Variants in PUDP observed in about 807,000 individuals in gnomAD.
The protein encoded by PUDP is pseudouridine-5'-phosphatase.
A neutral mutation model predicts 9.4 loss-of-function variants in PUDP; 8 were observed. That is an observed-to-expected ratio of 0.85 (90% CI 0.50 to 1.53). The LOEUF (loss-of-function observed/expected upper bound fraction) is 1.53, where lower values mean the gene tolerates loss of function less well. PUDP is among the 40% of genes most tolerant of loss of function. The pLI, the probability that PUDP is intolerant of heterozygous loss-of-function variation, is 0.00. For synonymous variants in PUDP, 99 were observed against 80.7 expected, an observed-to-expected ratio of 1.23 and a Z score of -1.22; for missense variants, 188 against 189.7, an observed-to-expected ratio of 0.99 and a Z score of 0.05.
At chrX:6,735,899 C>T (rs1349355047) in intron 3 of PUDP, among the ~76,000 whole-genome samples, 4 of 109,280 alleles carry the variant, frequency 3.7e-5, no homozygotes, top group Admixed American at 2.0e-4. Context: ...ATTAGTTGGG[C>T]AGGGTGGCAT....
chrX:7,089,577 GT>G (rs199868774), intron 2 of PUDP, among the ~76,000 whole-genome samples: 1 of 108,800 alleles, frequency 9.2e-6, no homozygotes, highest in Non-Finnish European at 1.9e-5. Flanking sequence ...CCTGCCTTTT[GT>G]TTTTTTTTGA....
At chrX:7,141,441 C>T (rs1263471748) in intron 1 of PUDP, among the ~76,000 whole-genome samples, 1 of 113,018 alleles carries the variant, frequency 8.8e-6, no homozygotes, top group African/African-American at 3.2e-5. Context: ...GGCTCTAACT[C>T]TCTTCACTTC....
At chrX:6,809,454 G>C (rs1002360210) in intron 3 of PUDP, among the ~76,000 whole-genome samples, 2 of 107,870 alleles carry the variant, frequency 1.9e-5, no homozygotes, top group African/African-American at 6.9e-5. Context: ...CATCACACCC[G>C]ACTAATTTAT....
intron 3 of PUDP, among the ~76,000 whole-genome samples, chrX:6,828,259 C>T (rs964572055): frequency 9.0e-6 from 1 of 111,627 alleles, no homozygotes; most frequent in Non-Finnish European, 1.9e-5. Flanking sequence ...GAGATCCATG[C>T]ACATTGCATA....
intron 2 of PUDP, among the ~76,000 whole-genome samples, chrX:7,078,629 T>G (rs888390096): frequency 8.9e-6 from 1 of 112,330 alleles, no homozygotes; most frequent in African/African-American, 3.2e-5. Context: ...TCATGCCTAT[T>G]TTAATAATGT....
At chrX:7,109,573 GAC>G (rs1216907697) in intron 1 of PUDP, among the ~76,000 whole-genome samples, 1 of 112,492 alleles carries the variant, frequency 8.9e-6, no homozygotes, top group Non-Finnish European at 1.9e-5. Flanking sequence ...TAATTTAAAA[GAC>G]ACAGAACTGT....
chrX:6,992,730 G>C (rs1335055000), intron 1 of PUDP, among the ~76,000 whole-genome samples: 1 of 111,303 alleles, frequency 9.0e-6, no homozygotes, highest in Non-Finnish European at 1.9e-5. Context: ...TGATTGAATT[G>C]AAGGATGCAA....
intron 1 of PUDP, among the ~76,000 whole-genome samples, chrX:6,990,610 T>C (rs1929163066): frequency 8.9e-6 from 1 of 112,344 alleles, no homozygotes; most frequent in South Asian, 3.7e-4. Context: ...TCCAGCAGAA[T>C]GAGAGAGAAG....
intron 3 of PUDP, among the ~76,000 whole-genome samples, chrX:7,052,305 G>T (rs1356271789): frequency 2.7e-5 from 3 of 111,329 alleles, no homozygotes; most frequent in Non-Finnish European, 5.7e-5. Flanking sequence ...CCAAAGTGCT[G>T]GGATTACAGG....
chrX:6,753,336 T>C (rs995783058), intron 3 of PUDP, among the ~76,000 whole-genome samples: 1 of 112,822 alleles, frequency 8.9e-6, no homozygotes, highest in Non-Finnish European at 1.9e-5. Context: ...TATTCCATCA[T>C]ATACATACAC....
At chrX:7,079,984 G>A (rs1376933045) in intron 2 of PUDP, among the ~76,000 whole-genome samples, 1 of 111,812 alleles carries the variant, frequency 8.9e-6, no homozygotes, top group African/African-American at 3.3e-5. Context: ...TAATAAACAT[G>A]AGAGAGAAAA....
chrX:6,964,483 C>G (rs770816628), intron 3 of PUDP, among the ~76,000 whole-genome samples: 7 of 110,610 alleles, frequency 6.3e-5, no homozygotes, highest in Non-Finnish European at 1.3e-4. Context: ...GACCAGCTTG[C>G]GCAACATAGT....
At chrX:6,944,073 C>T (rs1040028897) in intron 3 of PUDP, among the ~76,000 whole-genome samples, 8 of 111,754 alleles carry the variant, frequency 7.2e-5, no homozygotes, top group Non-Finnish European at 1.3e-4. Flanking sequence ...ACCCAAATCT[C>T]CTCTTGAACT....
intron 1 of PUDP, among the ~76,000 whole-genome samples, chrX:6,720,287 T>TAC (rs1555907538): frequency 8.3e-4 from 69 of 83,138 alleles, no homozygotes; most frequent in East Asian, 2.2e-3. Context: ...TATATATATA[T>TAC]ACACACACAC....
intron 3 of PUDP, among the ~76,000 whole-genome samples, chrX:6,770,416 G>A (rs1342319614): frequency 8.9e-6 from 1 of 112,650 alleles, no homozygotes; most frequent in Admixed American, 9.4e-5. Context: ...CAGACCCAAT[G>A]GGGTAAGATA....
At chrX:6,888,649 C>CAAAACA (rs1055915956) in intron 3 of PUDP, among the ~76,000 whole-genome samples, 3 of 110,408 alleles carry the variant, frequency 2.7e-5, no homozygotes, top group East Asian at 5.7e-4. Context: ...GACTCCATCT[C>CAAAACA]AAAACAAAAA....
intron 3 of PUDP, among the ~76,000 whole-genome samples, chrX:6,916,217 C>A (rs1218904484): frequency 9.7e-6 from 1 of 103,062 alleles, no homozygotes; most frequent in Non-Finnish European, 2.0e-5. Flanking sequence ...CACACACACA[C>A]ACACACACAC....
intron 3 of PUDP, among the ~76,000 whole-genome samples, chrX:6,835,775 C>T (rs971347882): frequency 9.0e-6 from 1 of 111,307 alleles, no homozygotes; most frequent in East Asian, 2.8e-4. Context: ...TACAGTGGTG[C>T]GATCTCAGCT....
At chrX:6,930,790 T>A (rs1461008670) in intron 3 of PUDP, among the ~76,000 whole-genome samples, 1 of 110,912 alleles carries the variant, frequency 9.0e-6, no homozygotes, top group Non-Finnish European at 1.9e-5. Flanking sequence ...GGGAGCCCTC[T>A]CCAGTGACAA....
Sources: allele counts gnomAD v4.1 joint callset (sites outside exome capture counted in the v4.1 genomes callset), GRCh38; gene constraint gnomAD v4.1.1; transcripts MANE v1.5; gene names NCBI Gene and HGNC (gene_info 2026-07-23, HGNC 2026-07-21).